The following NCBP3 variants were observed in gnomAD, a reference collection of about 807,000 sequenced individuals.
The protein encoded by NCBP3 is nuclear cap binding subunit 3, also known as nuclear cap-binding protein subunit 3.
A neutral mutation model predicts 75.7 loss-of-function variants in NCBP3; 20 were observed. The ratio of observed to expected loss-of-function variants is 0.26; its 90% CI spans 0.19 to 0.38. NCBP3 has a LOEUF of 0.38. Among genes scored for constraint, NCBP3 ranks in the 10% least tolerant of loss-of-function variants. The pLI, the probability that NCBP3 is intolerant of heterozygous loss-of-function variation, is 1.00. For synonymous variants in NCBP3, 293 were observed against 290.5 expected, an observed-to-expected ratio of 1.01 and a Z score of -0.09; for missense variants, 678 against 796.9, an observed-to-expected ratio of 0.85 and a Z score of 1.80.
intron 4 of NCBP3, among the ~76,000 whole-genome samples, 159 bp from the exon 5 acceptor site, chr17:3,826,374 T>C (rs1004279439): frequency 6.6e-6 from 1 of 152,136 alleles, no homozygotes; most frequent in African/African-American, 2.4e-5. Flanking sequence ...AGACCAGGCA[T>C]GGTGACTCAC....
chr17:3,821,875 A>T, intron 8 of NCBP3, 78 bp downstream of exon 8: 1 of 903,544 alleles, frequency 1.1e-6, no homozygotes. Flanking sequence ...CACAGGGTTT[A>T]GACATTTCAC....
intron 9 of NCBP3, among the ~76,000 whole-genome samples, chr17:3,819,165 AC>A (rs1006231672): frequency 6.6e-6 from 1 of 152,170 alleles, no homozygotes; most frequent in Admixed American, 6.5e-5. Context: ...GTGGAAAAAT[AC>A]CATATCAGGT....
In NCBP3 at chr17:3,846,162, A is replaced by G. The variant is rs1324995080; in HGVS notation, c.62T>C (p.Leu21Pro). 2.0e-6 allele frequency: 3 copies of G among 1,530,542 alleles called. No individual in the cohort carries two copies. The highest frequency in any genetic ancestry group is 5.3e-5 in the East Asian group (2 of 37,598). The allele number at this position is 1,530,542 out of a possible 1,614,324, so 94.8% of individuals were successfully genotyped here. The change falls in exon 1 of 13, where the codon CTG (leucine) becomes CCG (proline). Residue 21 changes from leucine (L) to proline (P), a missense_variant. Physicochemically the swap from Leu to Pro is moderately conservative, Grantham distance 98 (BLOSUM62 -3). Around this residue, in one of 7 missense-constraint regions of NCBP3, gnomAD observed 76 missense variants for 53.8 expected, o/e 1.41. Coordinates refer to ENST00000389005, the MANE Select transcript of NCBP3 (RefSeq NM_001114118.3). This position sits in a 1 kb window ranked among gnomAD's most constrained non-coding sequence, Gnocchi z 4.6. ...CTCCGCCTCAGGGGACGGGAGCCCC[A>G]GGGCCGGCCCCGCCGGGGCCTCCGC... The part of the protein sequence containing the change: ...VKAEAPAGPA[L>P]GLPSPEAESG...
chr17:3,813,153 A>G lies in NCBP3; in HGVS notation c.1754T>C (p.Ile585Thr). 1 of 1,614,188 alleles carries G rather than the reference A, an allele frequency of 6.2e-7. No homozygotes were observed. Among genetic ancestry groups the G allele is most frequent in the Non-Finnish European group, 8.5e-7 (1 of 1,180,036 alleles). The change falls in exon 13 of 13, where the codon ATT becomes ACT. Residue 585 changes from isoleucine to threonine, a missense_variant. Physicochemically the swap from Ile to Thr is moderately conservative, Grantham distance 89. Around this residue, in one of 7 missense-constraint regions of NCBP3, gnomAD observed 365 missense variants for 392.7 expected, o/e 0.93. Transcript: ENST00000389005. ...TTGGCGAGACTGCTCTTTCTCCTTA[A>G]TCAGAGCCCCCCATGCCCTTTGCAG... ...SELQRAWGALIKEKEQSRQKK... is the reference protein window; with the variant it reads ...SELQRAWGALTKEKEQSRQKK...
At chr17:3,841,131 C>A (rs988629939) in intron 2 of NCBP3, among the ~76,000 whole-genome samples, 6 of 152,146 alleles carry the variant, frequency 3.9e-5, no homozygotes, top group African/African-American at 1.4e-4. Context: ...TGCACACCAC[C>A]ACGCCCAGCT....
chr17:3,822,342 A>G, intron 7 of NCBP3: 1 of 256,178 alleles, frequency 3.9e-6, no homozygotes. Context: ...CAAAAGGCAT[A>G]AAAGAGCTTT....
rs763903447 is a variant in NCBP3, at chr17:3,814,353, GC to G, written c.1595del (p.Gly532AlafsTer18). 6.2e-7 allele frequency: 1 copy of G among 1,614,074 alleles called. No homozygotes were observed. The highest frequency in any genetic ancestry group is 8.5e-7 in the Non-Finnish European group (1 of 1,180,030). On this transcript the variant is annotated frameshift_variant, in exon 12 of 13. Coordinates refer to ENST00000389005, the MANE Select transcript of NCBP3 (RefSeq NM_001114118.3). LOFTEE classifies it high-confidence loss of function. ...TCTTCTCCCGAGTATCGGCGTAGAG[GC>G]CTTTACTATCCTGCCTGGGAACACC... The part of the protein sequence containing the change: ...RLGVPRQDSK[G>X]LYADTREKKS...
In NCBP3 at chr17:3,808,336, A is replaced by C. The variant is rs1022538322; in HGVS notation, c.*4708T>G. The C allele has an allele frequency of 1.3e-5, 2 of 152,234 alleles. No individual in the cohort carries two copies. Among genetic ancestry groups the C allele is most frequent in the Non-Finnish European group, 2.9e-5 (2 of 68,048 alleles). 9.4% of individuals were successfully genotyped at this position (152,234 alleles called of 1,614,324 possible). ...ATAGGGCACCTTCCTTAGATTTCTA[A>C]GAGGAATTTTAATTACACTCCATTT... On this transcript the variant is annotated 3_prime_UTR_variant, in exon 13 of 13. Coordinates refer to ENST00000389005, the MANE Select transcript of NCBP3 (RefSeq NM_001114118.3).
intron 7 of NCBP3, chr17:3,824,474 CATACAT>C (rs2053744983): frequency 1.9e-5 from 3 of 154,188 alleles, no homozygotes; most frequent in South Asian, 2.0e-4. Context: ...GCGATACATA[CATACAT>C]ATACATATAT....
Position 3,810,932 on chromosome 17 carries a change from T to C in NCBP3, c.*2112A>G, listed in dbSNP as rs1406060125. On this transcript the variant is annotated 3_prime_UTR_variant, in exon 13 of 13. Coordinates refer to ENST00000389005, the MANE Select transcript of NCBP3 (RefSeq NM_001114118.3). Reference sequence around the variant, plus strand: ...AAAGGAAAGTCTGTGAAGGAGCATATTCTAAACCCTGCAGAGGCATGCCAG... The same window carrying C: ...AAAGGAAAGTCTGTGAAGGAGCATACTCTAAACCCTGCAGAGGCATGCCAG... The C allele has an allele frequency of 6.6e-6, 1 of 152,412 alleles. No individual in the cohort carries two copies. The highest frequency in any genetic ancestry group is 1.5e-5 in the Non-Finnish European group (1 of 68,164). 9.4% of individuals were successfully genotyped at this position (152,412 alleles called of 1,614,324 possible).
chr17:3,841,632 G>T, intron 2 of NCBP3, among the ~76,000 whole-genome samples: 1 of 146,666 alleles, frequency 6.8e-6, no homozygotes. Context: ...GCGGGGATGG[G>T]GGGCCTTTAA....
At chr17:3,843,448 G>C (rs2054102951) in intron 1 of NCBP3, among the ~76,000 whole-genome samples, 1 of 152,050 alleles carries the variant, frequency 6.6e-6, no homozygotes, top group African/African-American at 2.4e-5. Flanking sequence ...TGCCCAGGCT[G>C]GTCACCAACT....
chr17:3,839,952 C>T, intron 3 of NCBP3, 148 bp downstream of exon 3: 1 of 590,028 alleles, frequency 1.7e-6, no homozygotes, highest in Non-Finnish European at 3.0e-6. Context: ...CAGGTGACCT[C>T]AGAAATGGAG....
intron 4 of NCBP3, among the ~76,000 whole-genome samples, chr17:3,827,069 G>T (rs1462075449): frequency 7.6e-6 from 1 of 132,226 alleles, no homozygotes; most frequent in Admixed American, 7.8e-5. Flanking sequence ...AGGGAAGGGG[G>T]AAGGGTAGGG....
chr17:3,824,932 T>C lies in NCBP3; in HGVS notation c.796+10A>G, dbSNP rs1160014115. The C allele has an allele frequency of 5.7e-6, 8 of 1,408,108 alleles. No individual in the cohort carries two copies. In the East Asian group the frequency reaches 1.3e-4, roughly 22 times the overall value. The allele number at this position is 1,408,108 out of a possible 1,614,324, so 87.2% of individuals were successfully genotyped here. The stretch of plus-strand genomic sequence containing the variant: ...TGAAAATATAAAACAATACCAAATA[T>C]TACATTTACCTTTTGTAGCAAATCT... On this transcript the variant is annotated intron_variant, in intron 7 of 12. Coordinates refer to ENST00000389005, the MANE Select transcript of NCBP3 (RefSeq NM_001114118.3).
intron 3 of NCBP3, among the ~76,000 whole-genome samples, chr17:3,837,592 GGT>G (rs2053996919): frequency 6.6e-6 from 1 of 151,364 alleles, no homozygotes; most frequent in Non-Finnish European, 1.5e-5. Flanking sequence ...AAATTAGCTG[GGT>G]GTGGTGGCAT....
intron 4 of NCBP3, among the ~76,000 whole-genome samples, chr17:3,827,647 T>C (rs1442059687): frequency 4.6e-5 from 7 of 152,256 alleles, no homozygotes; most frequent in Non-Finnish European, 1.5e-5. Context: ...CTGTTACTAA[T>C]GTGCCATGTG....
rs558085243 is a variant in NCBP3 at position 3,820,626 on chromosome 17, T to C, written c.1000+623A>G. On this transcript the variant is annotated intron_variant, in intron 9 of 12. Transcript: ENST00000389005. The stretch of plus-strand genomic sequence containing the variant: ...AGAACAATACAATCAGTTCATCTGA[T>C]AAAATAATTTCAAAAATTGTTTTTG... Among the ~76,000 whole-genome samples, 6 of 152,312 alleles carry C rather than the reference T, an allele frequency of 3.9e-5. No homozygotes were observed. In the South Asian group the frequency reaches 1.0e-3, roughly 26 times the overall value.
chr17:3,832,457 C>T lies in NCBP3; in HGVS notation c.356-3089G>A, dbSNP rs538407890. 5.6e-3 allele frequency among the ~76,000 whole-genome samples: 654 copies of T among 116,454 alleles called. 88 individuals carry two copies. Among genetic ancestry groups the T allele is most frequent in the African/African-American group, 0.012 (462 of 38,662 alleles). The allele number at this position is 116,454 out of a possible 152,430, so 76.4% of individuals were successfully genotyped here. A position where few individuals can be genotyped will look rare whatever the true frequency, so the allele number is the denominator to read the frequency against. On this transcript the variant is annotated intron_variant, in intron 3 of 12. Coordinates refer to ENST00000389005, the MANE Select transcript of NCBP3 (RefSeq NM_001114118.3). ...CATCCTGGCCAACACGGTGAAACCC[C>T]GTCTCTACTAAAAATACAAAACAAT...
Sources: allele counts gnomAD v4.1 joint callset (sites outside exome capture counted in the v4.1 genomes callset), GRCh38; gene constraint gnomAD v4.1.1; regional missense constraint gnomAD v4.1.1; non-coding constraint Gnocchi (gnomAD v3.1); transcripts MANE v1.5; gene names NCBI Gene and HGNC (gene_info 2026-07-23, HGNC 2026-07-21).